The following NFIB variants were observed in gnomAD, a reference collection of about 807,000 sequenced individuals.
The protein encoded by NFIB is nuclear factor 1 B-type.
NFIB carries 11 observed loss-of-function variants against 61.5 expected under a neutral mutation model. That is an observed-to-expected ratio of 0.18 (90% CI 0.11 to 0.30). The LOEUF (loss-of-function observed/expected upper bound fraction) is 0.30. NFIB is among the 10% of genes least tolerant of loss of function. NFIB has a pLI of 1.00. For missense variants in NFIB, 471 were observed against 608.9 expected (o/e 0.77, Z 2.38); for synonymous variants, 260 against 216.5 (o/e 1.20, Z -1.76).
At position 14,174,290 on chromosome 9, in the gene NFIB, T is replaced by C. The variant is rs115492557; in HGVS notation, c.616+5437A>G. Among the ~76,000 whole-genome samples, 1,070 of 152,336 alleles carry C rather than the reference T, an allele frequency of 7.0e-3. 11 individuals carry two copies. The highest frequency in any genetic ancestry group is 0.023 in the African/African-American group (974 of 41,570). On this transcript the variant is annotated intron_variant, in intron 3 of 10. Transcript: ENST00000380953. The stretch of plus-strand genomic sequence containing the variant: ...CTGCCATTAACCAGTCCTTTCAGCA[T>C]CTTTCTCCAAATATTTTTATGAATA...
chr9:14,370,281 T>A (rs920501865), intron 1 of NFIB, among the ~76,000 whole-genome samples: 1 of 152,218 alleles, frequency 6.6e-6, no homozygotes, highest in Non-Finnish European at 1.5e-5. Context: ...CCAATATTTT[T>A]ATCAAAGTTA....
At chr9:14,436,124 G>C in the NFIB span, among the ~76,000 whole-genome samples, 3 of 152,202 alleles carry the variant, frequency 2.0e-5, no homozygotes, top group Non-Finnish European at 4.4e-5. Context: ...CATGAACTCT[G>C]CTCATTGCTT....
At chr9:14,213,952 G>C (rs1336390913) in intron 2 of NFIB, among the ~76,000 whole-genome samples, 1 of 128,494 alleles carries the variant, frequency 7.8e-6, no homozygotes, top group Non-Finnish European at 1.5e-5. Context: ...CAAATTTAAG[G>C]GGGGAAGAGT....
At chr9:14,400,593 C>T (rs746677059), upstream of NFIB, among the ~76,000 whole-genome samples, 3 of 152,018 alleles carry the variant, frequency 2.0e-5, no homozygotes, top group Admixed American at 6.6e-5. Flanking sequence ...ATAAACCAAC[C>T]AAAATCGAAA....
chr9:14,349,062 A>G (rs2061071860), intron 1 of NFIB, among the ~76,000 whole-genome samples: 1 of 152,240 alleles, frequency 6.6e-6, no homozygotes, highest in African/African-American at 2.4e-5. Flanking sequence ...GGGGCTGCCT[A>G]AAGCTCTCGC....
At chr9:14,496,995 C>G in the NFIB span, among the ~76,000 whole-genome samples, 1 of 152,134 alleles carries the variant, frequency 6.6e-6, no homozygotes, top group African/African-American at 2.4e-5. Context: ...TAGGAACAAA[C>G]CACACAATGT....
the NFIB span, among the ~76,000 whole-genome samples, chr9:14,448,185 C>A: frequency 6.6e-6 from 1 of 152,132 alleles, no homozygotes; most frequent in East Asian, 1.9e-4. Context: ...AAAATCAATT[C>A]TTGGGGACTG....
At chr9:14,514,284 G>A in the NFIB span, among the ~76,000 whole-genome samples, 8 of 150,158 alleles carry the variant, frequency 5.3e-5, no homozygotes, top group South Asian at 2.1e-4. Context: ...TTCCTAACGC[G>A]TATTTTATCT....
intron 1 of NFIB, among the ~76,000 whole-genome samples, chr9:14,322,710 GCCCGGGA>G (rs1244823172): frequency 3.3e-5 from 5 of 152,104 alleles, no homozygotes; most frequent in South Asian, 2.1e-4. Flanking sequence ...TCATCAGGGC[GCCCGGGA>G]CCCGGGAGGC....
upstream of NFIB, among the ~76,000 whole-genome samples, chr9:14,401,143 G>C (rs1588426360): frequency 6.6e-6 from 1 of 152,188 alleles, no homozygotes; most frequent in Non-Finnish European, 1.5e-5. Flanking sequence ...TTATCAAAAG[G>C]CTCATTGGAG....
intron 10 of NFIB, among the ~76,000 whole-genome samples, chr9:14,090,328 A>G (rs950429929): frequency 8.5e-5 from 13 of 152,144 alleles, no homozygotes; most frequent in African/African-American, 3.1e-4. Flanking sequence ...CTGTTTTCAC[A>G]TATTTATCTT....
the NFIB span, among the ~76,000 whole-genome samples, chr9:14,507,207 G>A: frequency 2.0e-5 from 3 of 152,082 alleles, no homozygotes; most frequent in Admixed American, 6.6e-5. Flanking sequence ...TCACTTTTTA[G>A]CATCCAAAGT....
chr9:14,213,961 G>A lies in NFIB; in HGVS notation c.563-34181C>T, dbSNP rs144429403. Among the ~76,000 whole-genome samples the A allele has an allele frequency of 2.0e-5, 3 of 152,176 alleles. No homozygotes were observed. The East Asian group carries it at 5.8e-4, about 29-fold the overall frequency. ...CTGCTCCAAATTTAAGGGGGGAAGA[G>A]TCCCCTCATTTCACCTCACATCATT... On this transcript the variant is annotated intron_variant, in intron 2 of 10. Transcript: ENST00000380953.
chr9:14,425,605 T>G, the NFIB span, among the ~76,000 whole-genome samples: 1 of 130,682 alleles, frequency 7.7e-6, no homozygotes, highest in Non-Finnish European at 1.6e-5. Flanking sequence ...CATTGCTACA[T>G]AATTTTTTTT....
chr9:14,349,264 G>T (rs531061441), intron 1 of NFIB, among the ~76,000 whole-genome samples: 30 of 152,314 alleles, frequency 2.0e-4, no homozygotes, highest in Non-Finnish European at 4.1e-4. Flanking sequence ...GGGAAGGACA[G>T]TTCAGGCTGG....
At chr9:14,357,992 T>A (rs563245906) in intron 1 of NFIB, 1 of 152,086 alleles carries the variant, frequency 6.6e-6, no homozygotes, top group Non-Finnish European at 1.5e-5. Context: ...TGGGGAGAGT[T>A]TGGGGAGCCT....
intron 2 of NFIB, among the ~76,000 whole-genome samples, chr9:14,182,708 CTGTGTGTGTGTGTG>C (rs59897559): frequency 1.1e-3 from 105 of 96,968 alleles, no homozygotes; most frequent in African/African-American, 3.4e-3. Flanking sequence ...CTCTCTCTCT[CTGTGTGTGTGTGTG>C]TGTGTGTGTG....
chr9:14,469,123 T>C, the NFIB span, among the ~76,000 whole-genome samples: 1 of 152,220 alleles, frequency 6.6e-6, no homozygotes, highest in Non-Finnish European at 1.5e-5. Context: ...ATCAAGACTA[T>C]TTTTTGATGC....
the NFIB span, among the ~76,000 whole-genome samples, chr9:14,424,037 A>G: frequency 6.6e-5 from 10 of 152,178 alleles, no homozygotes; most frequent in Admixed American, 2.6e-4. Context: ...GGGGCTGGGT[A>G]TGCTTGCTTG....
Sources: allele counts gnomAD v4.1 joint callset (sites outside exome capture counted in the v4.1 genomes callset), GRCh38; gene constraint gnomAD v4.1.1; transcripts MANE v1.5; gene names NCBI Gene and HGNC (gene_info 2026-07-23, HGNC 2026-07-21).